Variants in PAX7 observed in about 807,000 individuals in gnomAD.
The protein encoded by PAX7 is paired box 7.
PAX7 carries 18 observed loss-of-function variants against 50.7 expected under a neutral mutation model. The observed-to-expected ratio is 0.36, with a 90% CI of 0.25 to 0.53. PAX7 has a LOEUF of 0.53. PAX7 is among the 20% of genes least tolerant of loss of function. The pLI, the probability that PAX7 is intolerant of heterozygous loss-of-function variation, is 0.93. For synonymous variants in PAX7, 310 were observed against 290.4 expected (o/e 1.07, Z -0.69); for missense variants, 644 against 702.9 (o/e 0.92, Z 0.95).
intron 4 of PAX7, among the ~76,000 whole-genome samples, chr1:18,685,293 C>T (rs1262038680): frequency 1.3e-5 from 2 of 152,150 alleles, no homozygotes; most frequent in African/African-American, 2.4e-5. Flanking sequence ...TGTGCAAGTT[C>T]GGGGGGTGAC....
rs1339065 is a variant in PAX7, at chr1:18,634,032, G to A, written c.86-271G>A. 1.2e-4 allele frequency among the ~76,000 whole-genome samples: 19 copies of A among 152,232 alleles called. No individual in the cohort carries two copies. The highest frequency in any genetic ancestry group is 2.0e-4 in the Admixed American group (3 of 15,304). On this transcript the variant is annotated intron_variant, in intron 1 of 8. Coordinates refer to ENST00000420770, the MANE Select transcript of PAX7 (RefSeq NM_001135254.2). This position sits in a 1 kb window ranked among gnomAD's most constrained non-coding sequence, Gnocchi z 4.0. ...TCCCCCAGGTGTGTCCTCATCCCTC[G>A]TAGTGTGGCAGGAGTTGGGGGACAC...
chr1:18,662,756 T>C lies in PAX7; in HGVS notation c.586+26385T>C, dbSNP rs542930044. On this transcript the variant is annotated intron_variant, in intron 4 of 8. Transcript: ENST00000420770. ...CAGTTAAATTTTTTTGTACTTTTAG[T>C]AGAGATGGGGTTTCACCATGTTGGC... Among the ~76,000 whole-genome samples the C allele has an allele frequency of 2.6e-5, 4 of 152,216 alleles. No individual in the cohort carries two copies. The South Asian group carries it at 8.3e-4, about 32-fold the overall frequency.
chr1:18,658,757 A>G (rs1273825629), intron 4 of PAX7, among the ~76,000 whole-genome samples: 1 of 152,230 alleles, frequency 6.6e-6, no homozygotes, highest in African/African-American at 2.4e-5. Flanking sequence ...CCTGACCCCA[A>G]GGACACGTGG....
intron 4 of PAX7, 51 bp from the exon 5 acceptor site, chr1:18,691,703 C>A: frequency 6.6e-7 from 1 of 1,517,032 alleles, no homozygotes. Context: ...CCCCGGCACC[C>A]TTCCATCTCT....
chr1:18,664,827 T>C (rs2088645941), intron 4 of PAX7, among the ~76,000 whole-genome samples: 1 of 152,034 alleles, frequency 6.6e-6, no homozygotes, highest in African/African-American at 2.4e-5. Flanking sequence ...CCTGGGCATA[T>C]GATGGTAAAC....
chr1:18,703,795 G>T (rs2089252564), intron 7 of PAX7, among the ~76,000 whole-genome samples: 2 of 152,180 alleles, frequency 1.3e-5, no homozygotes, highest in South Asian at 4.1e-4. Flanking sequence ...CCAAATATCC[G>T]TGGGGGAAGG....
At chr1:18,681,570 G>T (rs2100268880) in intron 4 of PAX7, among the ~76,000 whole-genome samples, 1 of 152,250 alleles carries the variant, frequency 6.6e-6, no homozygotes, top group Non-Finnish European at 1.5e-5. Flanking sequence ...TATACACAGT[G>T]CCCTCTAGTG....
intron 8 of PAX7, among the ~76,000 whole-genome samples, chr1:18,737,689 A>C (rs1048483238): frequency 6.6e-6 from 1 of 152,402 alleles, no homozygotes; most frequent in African/African-American, 2.4e-5. Flanking sequence ...TATTGTGCAT[A>C]CATGATGTGC....
intron 4 of PAX7, among the ~76,000 whole-genome samples, chr1:18,670,688 C>T (rs1450967893): frequency 1.3e-5 from 2 of 152,216 alleles, no homozygotes; most frequent in Non-Finnish European, 2.9e-5. Context: ...TGGCCTCTCT[C>T]CAGGGCCTGG....
chr1:18,694,756 G>A (rs1342130830), intron 5 of PAX7, among the ~76,000 whole-genome samples: 2 of 152,146 alleles, frequency 1.3e-5, no homozygotes, highest in Non-Finnish European at 2.9e-5. Flanking sequence ...CTGCAAATAA[G>A]GGGATGGAAC....
At position 18,636,826 on chromosome 1, in the gene PAX7, C is replaced by A. The variant is rs1281884054; in HGVS notation, c.586+455C>A. Among the ~76,000 whole-genome samples, 1 of 152,138 alleles carries A rather than the reference C, an allele frequency of 6.6e-6. No individual in the cohort carries two copies. Among genetic ancestry groups the A allele is most frequent in the African/African-American group, 2.4e-5 (1 of 41,430 alleles). On this transcript the variant is annotated intron_variant, in intron 4 of 8. Coordinates refer to ENST00000420770, the MANE Select transcript of PAX7 (RefSeq NM_001135254.2). This position sits in a 1 kb window ranked among gnomAD's most constrained non-coding sequence, Gnocchi z 5.1. ...GCGGCTCCCTAAATGAATTTGTTAA[C>A]CAGACCCCCACACGCTCTCTAAACG...
chr1:18,644,855 A>C (rs2088313407), intron 4 of PAX7, among the ~76,000 whole-genome samples: 1 of 152,188 alleles, frequency 6.6e-6, no homozygotes, highest in Non-Finnish European at 1.5e-5. Context: ...CCCAAAAGAG[A>C]AATTTTCCTC....
intron 7 of PAX7, among the ~76,000 whole-genome samples, chr1:18,709,535 C>T (rs146952332): frequency 1.9e-4 from 29 of 152,170 alleles, no homozygotes; most frequent in African/African-American, 6.3e-4. Context: ...GTAATTACGG[C>T]GACAGCAATG....
intron 7 of PAX7, among the ~76,000 whole-genome samples, chr1:18,712,845 G>A (rs1383500449): frequency 1.3e-5 from 2 of 152,174 alleles, no homozygotes; most frequent in African/African-American, 4.8e-5. Context: ...ACTTTGGGAG[G>A]CTGAGGCGGG....
At chr1:18,727,321 A>G (rs1425899079) in intron 7 of PAX7, among the ~76,000 whole-genome samples, 2 of 150,968 alleles carry the variant, frequency 1.3e-5, no homozygotes, top group African/African-American at 4.9e-5. Flanking sequence ...ATGCACACAC[A>G]GTATTCACAC....
intron 4 of PAX7, among the ~76,000 whole-genome samples, chr1:18,668,355 G>A (rs2088698185): frequency 6.6e-6 from 1 of 152,206 alleles, no homozygotes; most frequent in Non-Finnish European, 1.5e-5. Flanking sequence ...AGAAAGCAGT[G>A]TGAGGCAGCA....
chr1:18,732,746 T>C (rs2089661673), intron 7 of PAX7, among the ~76,000 whole-genome samples: 2 of 152,100 alleles, frequency 1.3e-5, no homozygotes, highest in Non-Finnish European at 2.9e-5. Context: ...GGTCTCTGTC[T>C]TAGAGGATGA....
At chr1:18,722,999 C>A (rs188328922) in intron 7 of PAX7, among the ~76,000 whole-genome samples, 1 of 152,272 alleles carries the variant, frequency 6.6e-6, no homozygotes. Flanking sequence ...ATTCAGGCAC[C>A]AATAAGACAT....
Position 18,725,314 on chromosome 1 carries a change from C to T in PAX7, c.1156-10318C>T, listed in dbSNP as rs1049640165. On this transcript the variant is annotated intron_variant, in intron 7 of 8. Coordinates refer to ENST00000420770, the MANE Select transcript of PAX7 (RefSeq NM_001135254.2). Reference sequence around the variant, plus strand: ...CAGAGGTGGAGACGCCCCCCCCCCGCCCCACCAACACCGCCAGGCCAGGGG... The same window carrying T: ...CAGAGGTGGAGACGCCCCCCCCCCGTCCCACCAACACCGCCAGGCCAGGGG... Among the ~76,000 whole-genome samples the T allele has an allele frequency of 1.6e-3, 18 of 11,026 alleles. No homozygotes were observed. In the East Asian group the frequency reaches 0.016, roughly 10 times the overall value. The allele number at this position is 11,026 out of a possible 152,430, so 7.2% of individuals were successfully genotyped here. A position where few individuals can be genotyped will look rare whatever the true frequency, so the allele number is the denominator to read the frequency against.
Sources: allele counts gnomAD v4.1 joint callset (sites outside exome capture counted in the v4.1 genomes callset), GRCh38; gene constraint gnomAD v4.1.1; non-coding constraint Gnocchi (gnomAD v3.1); transcripts MANE v1.5; gene names NCBI Gene and HGNC (gene_info 2026-07-23, HGNC 2026-07-21).